The following SAMD4A variants were observed in gnomAD, a reference collection of about 807,000 sequenced individuals.
The protein encoded by SAMD4A is protein Smaug homolog 1.
Under a neutral mutation model 81.3 loss-of-function variants are expected in SAMD4A, and 33 were observed. That is an observed-to-expected ratio of 0.41 (90% CI 0.31 to 0.54). The LOEUF is 0.54. SAMD4A is among the 20% of genes least tolerant of loss of function. The pLI, the probability that SAMD4A is intolerant of heterozygous loss-of-function variation, is 0.37. For synonymous variants in SAMD4A, 389 were observed against 382.1 expected (o/e 1.02, Z -0.21); for missense variants, 854 against 951.1 (o/e 0.90, Z 1.34).
intron 2 of SAMD4A, among the ~76,000 whole-genome samples, chr14:54,573,048 G>A (rs1323196472): frequency 6.6e-6 from 1 of 152,106 alleles, no homozygotes; most frequent in East Asian, 1.9e-4. Context: ...TCCTTCAGTT[G>A]GTGAATGTGA....
chr14:54,688,216 T>C (rs891653323), intron 2 of SAMD4A: 3 of 985,376 alleles, frequency 3.0e-6, no homozygotes, highest in Non-Finnish European at 3.6e-6. Flanking sequence ...TTGCTCCTGT[T>C]ACTGCATGTC....
intron 11 of SAMD4A, among the ~76,000 whole-genome samples, chr14:54,778,891 A>C (rs1018646704): frequency 6.6e-6 from 1 of 152,180 alleles, no homozygotes; most frequent in African/African-American, 2.4e-5. Flanking sequence ...AAGGGGAAGG[A>C]GGCTGCAGAA....
At chr14:54,754,743 G>C in intron 6 of SAMD4A, 4 of 713,930 alleles carry the variant, frequency 5.6e-6, no homozygotes, top group Non-Finnish European at 6.9e-6. Flanking sequence ...ACCTCACATA[G>C]ATTTCTAAGG....
chr14:54,730,998 A>G (rs1279451398), intron 3 of SAMD4A, among the ~76,000 whole-genome samples: 2 of 152,216 alleles, frequency 1.3e-5, no homozygotes, highest in Non-Finnish European at 2.9e-5. Flanking sequence ...AATTATTTAT[A>G]CAAGTGGTGT....
chr14:54,695,635 C>A (rs74244804), intron 2 of SAMD4A, among the ~76,000 whole-genome samples: 7,251 of 152,240 alleles, frequency 0.048, 244 homozygotes, highest in East Asian at 0.16. Context: ...ACCCTGGAAG[C>A]CCGCAATCAC....
At position 54,589,994 on chromosome 14, in the gene SAMD4A, G is replaced by T. The variant is rs147106577; in HGVS notation, c.196+21882G>T. 2.9e-4 allele frequency among the ~76,000 whole-genome samples: 44 copies of T among 152,238 alleles called. No individual in the cohort carries two copies. In the East Asian group the frequency reaches 7.9e-3, roughly 27 times the overall value. On this transcript the variant is annotated intron_variant, in intron 2 of 12. Transcript: ENST00000554335. The stretch of plus-strand genomic sequence containing the variant: ...TACATATCTGTTTATCATCCAAACC[G>T]TATGCTAGAACGTAAGGTCCATGAG...
intron 4 of SAMD4A, among the ~76,000 whole-genome samples, chr14:54,743,886 A>G (rs2037903571): frequency 6.6e-6 from 1 of 152,258 alleles, no homozygotes; most frequent in Non-Finnish European, 1.5e-5. Flanking sequence ...AGAAATAAAG[A>G]CAAGCTTCTG....
intron 2 of SAMD4A, among the ~76,000 whole-genome samples, chr14:54,691,895 C>T (rs1385063847): frequency 6.6e-6 from 1 of 152,228 alleles, no homozygotes; most frequent in African/African-American, 2.4e-5. Flanking sequence ...TATCCTGCCT[C>T]CACAAAATTG....
chr14:54,659,608 C>G (rs1397144326), intron 2 of SAMD4A, among the ~76,000 whole-genome samples: 2 of 152,106 alleles, frequency 1.3e-5, no homozygotes, highest in African/African-American at 4.8e-5. Context: ...TGTGGTTATT[C>G]TACGTGATGC....
At chr14:54,668,999 GAGGCC>G (rs1340010779) in intron 2 of SAMD4A, among the ~76,000 whole-genome samples, 1 of 152,222 alleles carries the variant, frequency 6.6e-6, no homozygotes, top group Non-Finnish European at 1.5e-5. Flanking sequence ...ATCAGTGCCC[GAGGCC>G]ATAGAGCAGA....
In SAMD4A at chr14:54,737,098, C is replaced by A; in HGVS notation, c.790C>A (p.Gln264Lys). 1 of 1,614,070 alleles carries A rather than the reference C, an allele frequency of 6.2e-7. No individual in the cohort carries two copies. The highest frequency in any genetic ancestry group is 8.5e-7 in the Non-Finnish European group (1 of 1,180,002). Reference sequence around the variant, plus strand: ...TACCCCACCCATGAATGTGCCAAACCAGCCTCTAGGACATGGATGGATGTC... The same window carrying A: ...TACCCCACCCATGAATGTGCCAAACAAGCCTCTAGGACATGGATGGATGTC... ...SLTPPMNVPNQPLGHGWMSHE... is the reference protein window; with the variant it reads ...SLTPPMNVPNKPLGHGWMSHE... Residue 264 changes from glutamine (Q) to lysine (K), a missense_variant, in exon 4 of 13, where the codon CAG becomes AAG. By Grantham distance (53) the Gln-to-Lys change is moderately conservative. Around this residue, in one of 3 missense-constraint regions of SAMD4A, gnomAD observed 387 missense variants for 405.8 expected, o/e 0.95. Coordinates refer to ENST00000554335, the MANE Select transcript of SAMD4A (RefSeq NM_015589.6).
chr14:54,681,938 G>A, intron 2 of SAMD4A: 1 of 985,406 alleles, frequency 1.0e-6, no homozygotes, highest in Non-Finnish European at 1.2e-6. Flanking sequence ...ACTTTAGGAG[G>A]AAATGCAGAG....
intron 2 of SAMD4A, among the ~76,000 whole-genome samples, chr14:54,635,170 C>A (rs763386346): frequency 4.6e-5 from 7 of 152,182 alleles, no homozygotes; most frequent in Non-Finnish European, 1.0e-4. Context: ...CACTTGTAAT[C>A]CCACCACTTT....
intron 4 of SAMD4A, among the ~76,000 whole-genome samples, chr14:54,738,123 A>C (rs1381279345): frequency 6.6e-6 from 1 of 152,248 alleles, no homozygotes; most frequent in African/African-American, 2.4e-5. Flanking sequence ...ATGGTGAAAC[A>C]GTAACCACTC....
rs778820363 is a variant in SAMD4A, at chr14:54,776,418, T to C, written c.1922T>C (p.Leu641Pro). 1.1e-5 allele frequency: 17 copies of C among 1,590,614 alleles called. No individual in the cohort carries two copies. The highest frequency in any genetic ancestry group is 1.1e-4 in the Admixed American group (6 of 56,322). The change falls in exon 11 of 13, where the codon CTG becomes CCG. Residue 641 changes from leucine (L) to proline (P), a missense_variant. By Grantham distance (98) the Leu-to-Pro change is moderately conservative (BLOSUM62 -3). This residue lies in a region of SAMD4A where 428 missense variants were observed against 471.2 expected (regional missense o/e 0.91). Transcript: ENST00000554335. Reference sequence around the variant, plus strand: ...CCCTTTTGCTTTTCTCACCAGAACCTGTGGTTTGCCAACCCCGGGGGCAGC... The same window carrying C: ...CCCTTTTGCTTTTCTCACCAGAACCCGTGGTTTGCCAACCCCGGGGGCAGC... The part of the protein sequence containing the change: ...PTIMKQGRQN[L>P]WFANPGGSNS...
At chr14:54,603,996 T>G (rs1353580760) in intron 2 of SAMD4A, among the ~76,000 whole-genome samples, 1 of 152,134 alleles carries the variant, frequency 6.6e-6, no homozygotes, top group Non-Finnish European at 1.5e-5. Context: ...GGCTAATTTT[T>G]GTATTTTTAG....
chr14:54,617,727 C>T (rs1016081990), intron 2 of SAMD4A, among the ~76,000 whole-genome samples: 1 of 152,218 alleles, frequency 6.6e-6, no homozygotes, highest in South Asian at 2.1e-4. Context: ...TCAGGCCCTA[C>T]TGATGACAAC....
intron 9 of SAMD4A, among the ~76,000 whole-genome samples, chr14:54,774,628 G>A (rs910651670): frequency 6.1e-5 from 9 of 147,396 alleles, no homozygotes; most frequent in Non-Finnish European, 1.0e-4. Context: ...CAGCCTGGGC[G>A]ACATAGTGAG....
chr14:54,731,451 T>A (rs1324262897), intron 3 of SAMD4A, among the ~76,000 whole-genome samples: 1 of 152,170 alleles, frequency 6.6e-6, no homozygotes, highest in Non-Finnish European at 1.5e-5. Context: ...ATCACCTGAG[T>A]CACAGGGAAT....
Sources: allele counts gnomAD v4.1 joint callset (sites outside exome capture counted in the v4.1 genomes callset), GRCh38; gene constraint gnomAD v4.1.1; regional missense constraint gnomAD v4.1.1; transcripts MANE v1.5; gene names NCBI Gene and HGNC (gene_info 2026-07-23, HGNC 2026-07-21).